The following ATP2C2 variants were observed in gnomAD, a reference collection of about 807,000 sequenced individuals.
ATP2C2 encodes the protein ATPase secretory pathway Ca2+ transporting 2.
A neutral mutation model predicts 110.8 loss-of-function variants in ATP2C2; 171 were observed. That is an observed-to-expected ratio of 1.54 (90% CI 1.36 to 1.75). The LOEUF (loss-of-function observed/expected upper bound fraction) is 1.75, where lower values mean the gene tolerates loss of function less well. Ranked by LOEUF, ATP2C2 falls within the 40% of genes most tolerant of loss-of-function variation. The probability of loss-of-function intolerance (pLI) is 0.00; values close to 1 mark genes in which losing one functional copy is unlikely to be tolerated. For synonymous variants in ATP2C2, 804 were observed against 508.4 expected (o/e 1.58, Z -7.82); for missense variants, 1,963 against 1,235.0 (o/e 1.59, Z -8.84).
intron 23 of ATP2C2, chr16:84,460,166 A>C (rs977225354): frequency 9.9e-6 from 2 of 201,410 alleles, no homozygotes; most frequent in African/African-American, 4.7e-5. Context: ...AAGTGGGACC[A>C]GGAAGCTGGC....
intron 24 of ATP2C2, chr16:84,461,030 C>T (rs1202306521): frequency 9.1e-6 from 5 of 550,110 alleles, no homozygotes; most frequent in African/African-American, 1.9e-5. Context: ...CAGAGGCCAG[C>T]GGGGTGGAGA....
At chr16:84,426,117 C>T in intron 11 of ATP2C2, 1 of 311,916 alleles carries the variant, frequency 3.2e-6, no homozygotes, top group Admixed American at 4.3e-5. Flanking sequence ...GCCTATGGTT[C>T]TACAGGCCGT....
rs945169895 is a variant in ATP2C2, at chr16:84,425,583, A to G, written c.920-152A>G. The stretch of plus-strand genomic sequence containing the variant: ...GGTATAAACGTATCTCCCTTAGAAA[A>G]GAGAAGAGACGGGTTGAAAGTGGTT... On this transcript the variant is annotated intron_variant, in intron 10 of 26. Coordinates refer to ENST00000262429, the MANE Select transcript of ATP2C2 (RefSeq NM_014861.4). 53 of 873,962 alleles carry G rather than the reference A, an allele frequency of 6.1e-5. No homozygotes were observed. The African/African-American group carries it at 6.3e-4, about 10-fold the overall frequency. The allele number at this position is 873,962 out of a possible 1,614,324, so 54.1% of individuals were successfully genotyped here.
At chr16:84,448,148 C>T (rs1298852381) in intron 16 of ATP2C2, among the ~76,000 whole-genome samples, 5 of 152,120 alleles carry the variant, frequency 3.3e-5, no homozygotes, top group Admixed American at 3.3e-4. Flanking sequence ...AGACTTGGTG[C>T]TGCCCTAGGG....
rs887608168 is a variant in ATP2C2, at chr16:84,404,883, T to C, written c.211-245T>C. ...TGGAAGTCTATGCTGCATTTCCATT[T>C]GTTGAAATTTAAGACCAGAGTCGTC... On this transcript the variant is annotated intron_variant, in intron 2 of 26. Coordinates refer to ENST00000262429, the MANE Select transcript of ATP2C2 (RefSeq NM_014861.4). 1.3e-5 allele frequency: 8 copies of C among 611,004 alleles called. No individual in the cohort carries two copies. The African/African-American group carries it at 1.5e-4, about 11-fold the overall frequency. The allele number at this position is 611,004 out of a possible 1,614,324, so 37.8% of individuals were successfully genotyped here.
At chr16:84,436,737 C>T (rs906821048) in intron 11 of ATP2C2, among the ~76,000 whole-genome samples, 2 of 151,330 alleles carry the variant, frequency 1.3e-5, no homozygotes, top group African/African-American at 4.9e-5. Context: ...AATCTCTCCT[C>T]CCCCTCCCCA....
intron 1 of ATP2C2, among the ~76,000 whole-genome samples, chr16:84,374,997 T>C (rs2151394537): frequency 6.6e-6 from 1 of 152,312 alleles, no homozygotes; most frequent in South Asian, 2.1e-4. Context: ...GGTATTCGGA[T>C]GGTTGTTTGA....
chr16:84,412,185 C>G (rs1222308348), intron 6 of ATP2C2, among the ~76,000 whole-genome samples: 2 of 152,110 alleles, frequency 1.3e-5, no homozygotes, highest in African/African-American at 4.8e-5. Flanking sequence ...CACCTGACTA[C>G]TTTTTTGTAT....
At chr16:84,456,112 G>A (rs1338906023) in intron 21 of ATP2C2, among the ~76,000 whole-genome samples, 6 of 108,526 alleles carry the variant, frequency 5.5e-5, no homozygotes, top group East Asian at 2.4e-4. Context: ...GTCTCTGCCC[G>A]GCTTTGGTAT....
At chr16:84,429,629 T>G (rs1185755751) in intron 11 of ATP2C2, among the ~76,000 whole-genome samples, 1 of 151,970 alleles carries the variant, frequency 6.6e-6, no homozygotes, top group Non-Finnish European at 1.5e-5. Flanking sequence ...TAGGTCTCAG[T>G]GGGGATGGAG....
At chr16:84,460,350 G>C (rs1028258646) in intron 23 of ATP2C2, 56 of 430,486 alleles carry the variant, frequency 1.3e-4, no homozygotes, top group African/African-American at 8.6e-4. Context: ...GCAACGTTGG[G>C]GGGGGTCCCC....
At position 84,443,023 on chromosome 16, in the gene ATP2C2, C is replaced by T. The variant is rs573961327; in HGVS notation, c.1401+424C>T. ...TTAGACCCTGAGCTCTGTGGCTGTG[C>T]AGGGTTGCCCCAGGCCATTCTGTAC... On this transcript the variant is annotated intron_variant, in intron 15 of 26. Transcript: ENST00000262429. Among the ~76,000 whole-genome samples the T allele has an allele frequency of 3.3e-5, 5 of 152,232 alleles. No individual in the cohort carries two copies. The East Asian group carries it at 9.7e-4, about 29-fold the overall frequency.
Position 84,454,801 on chromosome 16 carries a change from G to T in ATP2C2, c.1981-17G>T, listed in dbSNP as rs1473885354. On this transcript the variant is annotated splice_polypyrimidine_tract_variant and intron_variant, in intron 20 of 26. Transcript: ENST00000262429. The stretch of plus-strand genomic sequence containing the variant: ...GGTCGTCAGGCTGCAGGCCTTCATT[G>T]CCTGCTCTTTCCAAAGGCTCTGCAG... The T allele has an allele frequency of 6.4e-7, 1 of 1,571,444 alleles. No homozygotes were observed. Among genetic ancestry groups the T allele is most frequent in the South Asian group, 1.2e-5 (1 of 85,624 alleles).
At chr16:84,432,597 T>G (rs921568748) in intron 11 of ATP2C2, among the ~76,000 whole-genome samples, 19 of 152,100 alleles carry the variant, frequency 1.2e-4, no homozygotes, top group African/African-American at 4.6e-4. Flanking sequence ...CTTGGCCCAC[T>G]GCCACCTCCA....
chr16:84,440,784 A>C, intron 13 of ATP2C2, 73 bp from the exon 14 acceptor site: 56 of 1,133,934 alleles, frequency 4.9e-5, no homozygotes, highest in Middle Eastern at 2.2e-4. Context: ...TCCCCAGGAC[A>C]GAGATTGTGG....
intron 3 of ATP2C2, chr16:84,407,055 C>A (rs995409545): frequency 6.6e-6 from 1 of 152,260 alleles, no homozygotes; most frequent in African/African-American, 2.4e-5. Flanking sequence ...TAGGACTGGA[C>A]GGGAGCTCCT....
At chr16:84,429,976 C>G (rs1908122074) in intron 11 of ATP2C2, among the ~76,000 whole-genome samples, 1 of 152,124 alleles carries the variant, frequency 6.6e-6, no homozygotes, top group African/African-American at 2.4e-5. Context: ...TATCTTGCCT[C>G]TAGTCTCTGT....
chr16:84,438,655 A>C (rs532387910), intron 11 of ATP2C2, among the ~76,000 whole-genome samples: 5 of 152,232 alleles, frequency 3.3e-5, no homozygotes, highest in Admixed American at 3.3e-4. Flanking sequence ...CGCAGCAGGC[A>C]AGTGTGTCGC....
Position 84,383,850 on chromosome 16 carries a change from C to T in ATP2C2, c.100-14649C>T, listed in dbSNP as rs76957173. 3.0e-3 allele frequency among the ~76,000 whole-genome samples: 419 copies of T among 140,440 alleles called. 14 individuals are homozygous for T. The East Asian group carries it at 0.083, about 28-fold the overall frequency. 92.1% of individuals were successfully genotyped at this position (140,440 alleles called of 152,430 possible). The stretch of plus-strand genomic sequence containing the variant: ...CTTTTCACCCGGCTGAGAGCAGTAG[C>T]GCAATCTCGGCTCACTGCAGCATCC... On this transcript the variant is annotated intron_variant, in intron 1 of 26. Coordinates refer to ENST00000262429, the MANE Select transcript of ATP2C2 (RefSeq NM_014861.4).
Sources: allele counts gnomAD v4.1 joint callset (sites outside exome capture counted in the v4.1 genomes callset), GRCh38; gene constraint gnomAD v4.1.1; transcripts MANE v1.5; gene names NCBI Gene and HGNC (gene_info 2026-07-23, HGNC 2026-07-21).